WWOX: variants seen among roughly 807,000 people sequenced by gnomAD.
WWOX encodes the protein WW domain containing oxidoreductase, also known as WW domain-containing oxidoreductase.
WWOX carries 69 observed loss-of-function variants against 46.2 expected under a neutral mutation model. The ratio of observed to expected loss-of-function variants is 1.49; its 90% confidence interval spans 1.23 to 1.82. The LOEUF (loss-of-function observed/expected upper bound fraction) is 1.82. WWOX is among the 40% of genes most tolerant of loss of function. WWOX has a pLI of 0.00. For missense variants in WWOX, 919 were observed against 542.6 expected (o/e 1.69, Z -6.89); for synonymous variants, 359 against 202.6 (o/e 1.77, Z -6.56).
intron 5 of WWOX, among the ~76,000 whole-genome samples, chr16:78,210,483 A>ACG (rs1311781772): frequency 2.0e-5 from 3 of 151,976 alleles, no homozygotes; most frequent in Non-Finnish European, 4.4e-5. Context: ...TGACACACAC[A>ACG]CGCGCGTGCA....
intron 8 of WWOX, among the ~76,000 whole-genome samples, chr16:79,072,693 C>T (rs1012808878): frequency 3.3e-5 from 5 of 152,216 alleles, no homozygotes; most frequent in Non-Finnish European, 5.9e-5. Flanking sequence ...TCACCATCAC[C>T]ATCGTCATCA....
intron 8 of WWOX, among the ~76,000 whole-genome samples, chr16:79,019,775 C>T (rs2047494397): frequency 6.6e-6 from 1 of 152,084 alleles, no homozygotes; most frequent in Non-Finnish European, 1.5e-5. Context: ...AGGTAGAAGG[C>T]TTGAGTTTAA....
chr16:78,934,756 ATG>A (rs1421745413), intron 8 of WWOX, among the ~76,000 whole-genome samples: 6 of 152,144 alleles, frequency 3.9e-5, no homozygotes, highest in African/African-American at 1.4e-4. Flanking sequence ...ATGATAAAAA[ATG>A]TGTTCCTGAG....
chr16:78,321,174 ATG>A (rs2080459000), intron 5 of WWOX, among the ~76,000 whole-genome samples: 1 of 151,818 alleles, frequency 6.6e-6, no homozygotes, highest in South Asian at 2.1e-4. Flanking sequence ...TTAATTGAAA[ATG>A]TATCTTTCTG....
At position 78,831,771 on chromosome 16, in the gene WWOX, A is replaced by G. The variant is rs138399927; in HGVS notation, c.1057-379837A>G. ...ACTAGTGAAAATAATGATTATAACT[A>G]TGACCTCCAGAAGCTTTTACTGAGC... is the stretch of plus-strand genomic sequence containing the variant. On this transcript the variant is annotated intron_variant, in intron 8 of 8. Coordinates refer to ENST00000566780, the MANE Select transcript of WWOX (RefSeq NM_016373.4). Among the ~76,000 whole-genome samples the G allele has an allele frequency of 1.5e-3, 234 of 152,352 alleles. 2 individuals carry two copies. Among genetic ancestry groups the G allele is most frequent in the African/African-American group, 5.4e-3 (224 of 41,580 alleles).
At chr16:78,357,719 G>T (rs2081327773) in intron 5 of WWOX, among the ~76,000 whole-genome samples, 1 of 152,120 alleles carries the variant, frequency 6.6e-6, no homozygotes, top group Admixed American at 6.5e-5. Context: ...CACATGCCAG[G>T]CACAGTGCTG....
At chr16:78,805,572 C>A (rs968126313) in intron 8 of WWOX, among the ~76,000 whole-genome samples, 3 of 152,226 alleles carry the variant, frequency 2.0e-5, no homozygotes, top group African/African-American at 4.8e-5. Flanking sequence ...CGTGAGCTGA[C>A]GCTCCCGGCC....
At chr16:78,898,127 T>G (rs1462297604) in intron 8 of WWOX, 1 of 152,172 alleles carries the variant, frequency 6.6e-6, no homozygotes, top group Non-Finnish European at 1.5e-5. Context: ...TAATGGTGTC[T>G]TTTGAAAAGC....
intron 8 of WWOX, among the ~76,000 whole-genome samples, chr16:78,724,848 C>G (rs945470110): frequency 6.6e-6 from 1 of 152,192 alleles, no homozygotes; most frequent in African/African-American, 2.4e-5. Flanking sequence ...TGATTCTTAC[C>G]TCTAAGAGTT....
intron 8 of WWOX, among the ~76,000 whole-genome samples, chr16:78,588,746 T>C (rs2151599168): frequency 6.6e-6 from 1 of 152,334 alleles, no homozygotes; most frequent in South Asian, 2.1e-4. Context: ...CATCACTTTA[T>C]TGAGCAGCTA....
At chr16:78,776,483 C>G (rs1296852394) in intron 8 of WWOX, among the ~76,000 whole-genome samples, 1 of 152,090 alleles carries the variant, frequency 6.6e-6, no homozygotes, top group African/African-American at 2.4e-5. Context: ...TATGACGATA[C>G]ATAAATAGCA....
chr16:79,169,681 A>G (rs1331885636), intron 8 of WWOX, among the ~76,000 whole-genome samples: 1 of 152,140 alleles, frequency 6.6e-6, no homozygotes, highest in African/African-American at 2.4e-5. Flanking sequence ...GTCCAAGACA[A>G]ATTGCAGTTT....
chr16:79,032,583 G>T (rs893971053), intron 8 of WWOX, among the ~76,000 whole-genome samples: 1 of 147,308 alleles, frequency 6.8e-6, no homozygotes, highest in Non-Finnish European at 1.5e-5. Context: ...TATATAATTT[G>T]GGGGGCAAAA....
At chr16:79,123,826 C>G (rs368177093) in intron 8 of WWOX, among the ~76,000 whole-genome samples, 1 of 152,038 alleles carries the variant, frequency 6.6e-6, no homozygotes, top group African/African-American at 2.4e-5. Context: ...CCGTGCCATC[C>G]GATTAGTGAA....
At chr16:78,774,656 C>T (rs907663084) in intron 8 of WWOX, among the ~76,000 whole-genome samples, 3 of 151,820 alleles carry the variant, frequency 2.0e-5, no homozygotes, top group Admixed American at 1.3e-4. Context: ...TCCCAGGCTC[C>T]GGGCAGTTCC....
intron 8 of WWOX, among the ~76,000 whole-genome samples, chr16:78,621,172 G>T (rs1003477489): frequency 2.0e-5 from 3 of 152,150 alleles, no homozygotes; most frequent in South Asian, 4.1e-4. Context: ...ACTCACACCT[G>T]TGAAAATGCT....
chr16:78,315,918 A>G (rs536936472), intron 5 of WWOX, among the ~76,000 whole-genome samples: 17 of 152,232 alleles, frequency 1.1e-4, no homozygotes, highest in African/African-American at 4.1e-4. Context: ...TTGAATATTT[A>G]TCAGGTTTCT....
chr16:78,791,093 G>T (rs1597615163), intron 8 of WWOX, among the ~76,000 whole-genome samples: 1 of 151,830 alleles, frequency 6.6e-6, no homozygotes, highest in African/African-American at 2.4e-5. Context: ...TCCACACAGG[G>T]CCCCTGAAGG....
intron 5 of WWOX, among the ~76,000 whole-genome samples, chr16:78,281,821 A>G (rs1305298595): frequency 6.6e-6 from 1 of 152,082 alleles, no homozygotes; most frequent in Non-Finnish European, 1.5e-5. Flanking sequence ...TAGTTTGCCA[A>G]CCCCTGCTTA....
Sources: gnomAD v4.1 joint callset for allele counts (sites outside exome capture counted in the v4.1 genomes callset) on GRCh38, gnomAD v4.1.1 for gene constraint, MANE v1.5 for transcripts, NCBI Gene and HGNC (gene_info 2026-07-23, HGNC 2026-07-21) for gene names.